BMPR1B: variants seen among roughly 807,000 people sequenced by gnomAD.
The protein encoded by BMPR1B is bone morphogenetic protein receptor type-1B.
In BMPR1B, 12 loss-of-function variants were observed where a neutral mutation model predicts 59.1. The observed-to-expected ratio is 0.20, with a 90% CI of 0.13 to 0.33. BMPR1B has a LOEUF of 0.33. BMPR1B is among the 10% of genes least tolerant of loss of function. The pLI is 1.00. For missense variants in BMPR1B, 550 were observed against 610.9 expected (o/e 0.90, Z 1.05); for synonymous variants, 237 against 207.3 (o/e 1.14, Z -1.23).
chr4:94,758,300 G>T (rs1369425649), intron 1 of BMPR1B, among the ~76,000 whole-genome samples: 1 of 150,994 alleles, frequency 6.6e-6, no homozygotes, highest in Non-Finnish European at 1.5e-5. Context: ...CGGGGAGGGG[G>T]TCAGGCGGTG....
intron 1 of BMPR1B, among the ~76,000 whole-genome samples, chr4:94,866,785 T>C (rs1303666691): frequency 6.6e-6 from 1 of 152,178 alleles, no homozygotes; most frequent in Non-Finnish European, 1.5e-5. Flanking sequence ...GGTTTCACCA[T>C]GTTGGCCAGG....
At chr4:95,108,587 C>T (rs1043111063) in intron 4 of BMPR1B, among the ~76,000 whole-genome samples, 1 of 152,062 alleles carries the variant, frequency 6.6e-6, no homozygotes, top group African/African-American at 2.4e-5. Context: ...ATTACTCTAT[C>T]AGCCTTCGCC....
At chr4:95,081,983 A>G (rs1729176086) in intron 3 of BMPR1B, among the ~76,000 whole-genome samples, 1 of 151,828 alleles carries the variant, frequency 6.6e-6, no homozygotes, top group Non-Finnish European at 1.5e-5. Flanking sequence ...AATGAATTAT[A>G]CTTTTTTATT....
chr4:94,959,552 T>C (rs568612281), intron 2 of BMPR1B, among the ~76,000 whole-genome samples: 1 of 152,288 alleles, frequency 6.6e-6, no homozygotes. Context: ...CTTCTCACAT[T>C]TCTTTTACAT....
At chr4:94,894,988 C>T (rs368997329) in intron 2 of BMPR1B, among the ~76,000 whole-genome samples, 1 of 152,040 alleles carries the variant, frequency 6.6e-6, no homozygotes, top group African/African-American at 2.4e-5. Flanking sequence ...AAAAGTTATT[C>T]TGCAAGTACC....
chr4:94,835,495 A>C (rs1724769804), intron 1 of BMPR1B, among the ~76,000 whole-genome samples: 1 of 152,230 alleles, frequency 6.6e-6, no homozygotes, highest in African/African-American at 2.4e-5. Context: ...ATGACCCTGT[A>C]ATAAGCTTAA....
At chr4:95,124,423 T>G (rs1579118475) in intron 7 of BMPR1B, among the ~76,000 whole-genome samples, 1 of 152,110 alleles carries the variant, frequency 6.6e-6, no homozygotes, top group East Asian at 1.9e-4. Context: ...TTATGTCATT[T>G]GCCTTTTGAT....
chr4:94,858,437 A>G (rs2107031), intron 1 of BMPR1B, among the ~76,000 whole-genome samples: 92,195 of 151,986 alleles, frequency 0.61, 28,645 homozygotes, highest in African/African-American at 0.74. Context: ...ATAAAATGGA[A>G]CCATCCTTCT....
At chr4:94,892,992 G>A (rs1727457942) in intron 2 of BMPR1B, among the ~76,000 whole-genome samples, 1 of 151,994 alleles carries the variant, frequency 6.6e-6, no homozygotes, top group Admixed American at 6.6e-5. Flanking sequence ...TTTTCATGAA[G>A]ATTGCAGGAG....
intron 1 of BMPR1B, among the ~76,000 whole-genome samples, chr4:94,790,462 T>G (rs573090747): frequency 6.6e-6 from 1 of 152,258 alleles, no homozygotes; most frequent in African/African-American, 2.4e-5. Flanking sequence ...GAAGGCCAGT[T>G]AGGAGGTCTG....
chr4:95,091,693 G>A, intron 3 of BMPR1B: 1 of 970,192 alleles, frequency 1.0e-6, no homozygotes, highest in Non-Finnish European at 1.2e-6. Context: ...AAAAATGTAA[G>A]CAAGATGAGT....
rs750583709 is a variant in BMPR1B, at chr4:94,914,221, C to T, written c.-113+38321C>T. Among the ~76,000 whole-genome samples, 8 of 151,978 alleles carry T rather than the reference C, an allele frequency of 5.3e-5. No individual in the cohort carries two copies. In the South Asian group the frequency reaches 1.3e-3, roughly 24 times the overall value. Reference sequence around the variant, plus strand: ...AAAATGTTGTGCAGCTAGGTGGTCTCGAAGATGCCTTCTAGATTTCTTGCT... The same window carrying T: ...AAAATGTTGTGCAGCTAGGTGGTCTTGAAGATGCCTTCTAGATTTCTTGCT... On this transcript the variant is annotated intron_variant, in intron 2 of 12. Coordinates refer to ENST00000515059, the MANE Select transcript of BMPR1B (RefSeq NM_001203.3).
chr4:94,920,791 A>G (rs972598696), intron 2 of BMPR1B, among the ~76,000 whole-genome samples: 1 of 152,224 alleles, frequency 6.6e-6, no homozygotes, highest in Non-Finnish European at 1.5e-5. Flanking sequence ...AAATAGCTAC[A>G]TAATTAATTT....
chr4:95,039,671 C>T (rs1410263214), intron 3 of BMPR1B, among the ~76,000 whole-genome samples: 1 of 152,160 alleles, frequency 6.6e-6, no homozygotes, highest in Admixed American at 6.5e-5. Flanking sequence ...CCTTGTTGTC[C>T]AGCCCACAGC....
intron 3 of BMPR1B, among the ~76,000 whole-genome samples, chr4:95,015,934 G>T (rs944439222): frequency 2.0e-5 from 3 of 152,068 alleles, no homozygotes; most frequent in South Asian, 2.1e-4. Context: ...CTTATGATCC[G>T]CCCGCCTTGG....
In BMPR1B at chr4:95,144,680, T is replaced by A. The variant is rs565337857; in HGVS notation, c.1077-4068T>A. Among the ~76,000 whole-genome samples, 47 of 152,282 alleles carry A rather than the reference T, an allele frequency of 3.1e-4. No individual in the cohort carries two copies. In the South Asian group the frequency reaches 8.9e-3, roughly 29 times the overall value. On this transcript the variant is annotated intron_variant, in intron 10 of 12. Coordinates refer to ENST00000515059, the MANE Select transcript of BMPR1B (RefSeq NM_001203.3). ...ATGTTGGATCTAGTGGCAGCATTGATTATTGAAGTATAAAAGGGCAAAATT... is the reference window on the plus strand; with the variant it reads ...ATGTTGGATCTAGTGGCAGCATTGAATATTGAAGTATAAAAGGGCAAAATT...
rs114332534 is a variant in BMPR1B at position 94,788,262 on chromosome 4, A to G, written c.-183+30194A>G. ...ATTCACTTTGAGCTTATGACAGTGC[A>G]CCAGCAGGCATAAAGAAGCATTGGT... On this transcript the variant is annotated intron_variant, in intron 1 of 12. Transcript: ENST00000515059. Among the ~76,000 whole-genome samples, 932 of 152,276 alleles carry G rather than the reference A, an allele frequency of 6.1e-3. 5 individuals carry two copies. Among genetic ancestry groups the G allele is most frequent in the African/African-American group, 0.021 (872 of 41,558 alleles).
intron 2 of BMPR1B, among the ~76,000 whole-genome samples, chr4:94,927,121 G>A (rs183099821): frequency 2.0e-3 from 299 of 152,162 alleles, no homozygotes; most frequent in Non-Finnish European, 3.3e-3. Flanking sequence ...CACAAGAAAG[G>A]GACAATAAAA....
At chr4:94,804,229 A>G (rs2110627466) in intron 1 of BMPR1B, among the ~76,000 whole-genome samples, 1 of 152,322 alleles carries the variant, frequency 6.6e-6, no homozygotes, top group South Asian at 2.1e-4. Flanking sequence ...GTGACAGATA[A>G]CATTGACCCA....
Sources: gnomAD v4.1 joint callset for allele counts (sites outside exome capture counted in the v4.1 genomes callset) on GRCh38, gnomAD v4.1.1 for gene constraint, MANE v1.5 for transcripts, NCBI Gene and HGNC (gene_info 2026-07-23, HGNC 2026-07-21) for gene names.